The following LSM1 variants were observed in gnomAD, a reference collection of about 807,000 sequenced individuals.
The protein encoded by LSM1 is U6 snRNA-associated Sm-like protein LSm1.
Under a neutral mutation model 18.0 loss-of-function variants are expected in LSM1, and 13 were observed. The ratio of observed to expected loss-of-function variants is 0.72; its 90% CI spans 0.47 to 1.15. The LOEUF (loss-of-function observed/expected upper bound fraction) is 1.15, where lower values mean the gene tolerates loss of function less well. LSM1 is among the 50% of genes most tolerant of loss of function. The pLI is 0.00. For synonymous variants in LSM1, 46 were observed against 56.0 expected (o/e 0.82, Z 0.80); for missense variants, 152 against 157.7 (o/e 0.96, Z 0.19).
intron 1 of LSM1, 104 bp from the exon 2 acceptor site, chr8:38,172,137 AT>A: frequency 1.3e-6 from 1 of 782,698 alleles, no homozygotes; most frequent in South Asian, 1.6e-5. Context: ...CGGCCAATGC[AT>A]TTAATGTGAA....
intron 3 of LSM1, 77 bp from the exon 4 acceptor site, chr8:38,163,917 C>T: frequency 8.3e-7 from 1 of 1,199,128 alleles, no homozygotes; most frequent in South Asian, 1.3e-5. Flanking sequence ...AAATGGATTC[C>T]TCTATCAGGC....
chr8:38,163,671 T>A lies in LSM1; in HGVS notation c.401A>T (p.Ter134LeuextTer12). The change falls in exon 4 of 4, where the codon TAA becomes TTA. Residue 134 changes from the stop codon to leucine (L), a stop_lost. Coordinates refer to ENST00000311351, the MANE Select transcript of LSM1 (RefSeq NM_014462.3). ...IPRADTLDEY[*>L] ...AGCCAACAGCCTCTGGGCAAAAGAT[T>A]AGTACTCATCAAGAGTATCTGCTCG... The A allele has an allele frequency of 6.2e-7, 1 of 1,614,068 alleles. No individual in the cohort carries two copies. The highest frequency in any genetic ancestry group is 8.5e-7 in the Non-Finnish European group (1 of 1,180,006).
At chr8:38,170,443 T>C (rs1803007025) in intron 2 of LSM1, among the ~76,000 whole-genome samples, 1 of 152,186 alleles carries the variant, frequency 6.6e-6, no homozygotes. Flanking sequence ...GTTGGGCTAA[T>C]ACATGAATGA....
intron 2 of LSM1, chr8:38,170,916 C>T: frequency 5.9e-6 from 2 of 340,580 alleles, no homozygotes; most frequent in South Asian, 2.2e-5. Context: ...TCATATCTTC[C>T]ATAATCCTTT....
At chr8:38,175,025 C>CAAAAAAAAA (rs1203614273) in intron 1 of LSM1, among the ~76,000 whole-genome samples, 8 of 57,080 alleles carry the variant, frequency 1.4e-4, no homozygotes, top group South Asian at 7.9e-4. Context: ...GACTCTGTCT[C>CAAAAAAAAA]AAAAAAAAAA....
At chr8:38,175,939 G>C (rs564162683) in intron 1 of LSM1, 1 of 266,766 alleles carries the variant, frequency 3.7e-6, no homozygotes, top group Non-Finnish European at 7.2e-6. Context: ...CTGCAGGCAG[G>C]AGTGGACGGG....
chr8:38,166,666 A>C (rs1223507554), intron 3 of LSM1, among the ~76,000 whole-genome samples: 1 of 152,218 alleles, frequency 6.6e-6, no homozygotes, highest in Non-Finnish European at 1.5e-5. Flanking sequence ...CCAAGGTCTC[A>C]GAACTCACAG....
Position 38,176,340 on chromosome 8 carries a change from G to T in LSM1, c.-20C>A, listed in dbSNP as rs1254053235. The T allele has an allele frequency of 1.2e-6, 2 of 1,605,176 alleles. No homozygotes were observed. The highest frequency in any genetic ancestry group is 1.3e-5 in the African/African-American group (1 of 74,962). Reference sequence around the variant, plus strand: ...GTTCATTTTGAACTGAAATAATGCTGCAATGCACAGCGGCGGGAGGCCAGC... The same window carrying T: ...GTTCATTTTGAACTGAAATAATGCTTCAATGCACAGCGGCGGGAGGCCAGC... On this transcript the variant is annotated 5_prime_UTR_variant, in exon 1 of 4. Transcript: ENST00000311351.
intron 1 of LSM1, chr8:38,175,939 G>A (rs564162683): frequency 2.7e-4 from 72 of 266,766 alleles, no homozygotes; most frequent in African/African-American, 1.5e-3. Context: ...CTGCAGGCAG[G>A]AGTGGACGGG....
intron 3 of LSM1, among the ~76,000 whole-genome samples, chr8:38,164,551 G>C (rs899392096): frequency 2.0e-5 from 3 of 151,256 alleles, no homozygotes; most frequent in Non-Finnish European, 4.4e-5. Context: ...GACGGGTGGA[G>C]TGGCTCACAG....
upstream of LSM1, chr8:38,176,581 G>A (rs1026476929): frequency 1.8e-6 from 1 of 570,266 alleles, no homozygotes; most frequent in Non-Finnish European, 3.1e-6. Context: ...CCCTGTTCCT[G>A]TTAAGTAGGT....
chr8:38,166,025 A>T (rs1802922769), intron 3 of LSM1: 1 of 152,364 alleles, frequency 6.6e-6, no homozygotes, highest in African/African-American at 2.4e-5. Context: ...GATATAGAAG[A>T]CTTCATGAAT....
chr8:38,172,037 G>C lies in LSM1; in HGVS notation c.47-4C>G, dbSNP rs1178966101. The stretch of plus-strand genomic sequence containing the variant: ...CGAAGCAGAACCAAGTGCTTTTCTG[G>C]GGAGAGAGGAAAAAATCTTTTAAAT... On this transcript the variant is annotated splice_polypyrimidine_tract_variant and splice_region_variant and intron_variant, in intron 1 of 3. Transcript: ENST00000311351. 2 of 1,600,712 alleles carry C rather than the reference G, an allele frequency of 1.2e-6. No homozygotes were observed. The highest frequency in any genetic ancestry group is 1.4e-5 in the African/African-American group (1 of 73,868).
chr8:38,176,501 C>A (rs1040148005), upstream of LSM1: 5 of 594,154 alleles, frequency 8.4e-6, no homozygotes, highest in Admixed American at 9.0e-5. Context: ...ATTACCCTTA[C>A]CCACTTCCTG....
At position 38,176,332 on chromosome 8, in the gene LSM1, A is replaced by G. The variant is rs1174901143; in HGVS notation, c.-12T>C. On this transcript the variant is annotated 5_prime_UTR_variant, in exon 1 of 4. Transcript: ENST00000311351. ...GGCATATAGTTCATTTTGAACTGAA[A>G]TAATGCTGCAATGCACAGCGGCGGG... 3 of 1,609,806 alleles carry G rather than the reference A, an allele frequency of 1.9e-6. No individual in the cohort carries two copies. The African/African-American group carries it at 4.0e-5, about 22-fold the overall frequency.
rs1474955650 is a variant in LSM1 at position 38,172,040 on chromosome 8, A to AGAGAG, written c.47-12_47-8dup. Reference sequence around the variant, plus strand: ...AGCAGAACCAAGTGCTTTTCTGGGGAGAGAGGAAAAAATCTTTTAAATGAA... The same window carrying AGAGAG: ...AGCAGAACCAAGTGCTTTTCTGGGGAGAGAGGAGAGGAAAAAATCTTTTAAATGAA... On this transcript the variant is annotated splice_polypyrimidine_tract_variant and splice_region_variant and intron_variant, in intron 1 of 3. Transcript: ENST00000311351. 1 of 1,601,896 alleles carries AGAGAG rather than the reference A, an allele frequency of 6.2e-7. No homozygotes were observed. The highest frequency in any genetic ancestry group is 1.1e-5 in the South Asian group (1 of 89,854).
chr8:38,169,709 G>T, intron 3 of LSM1, 93 bp downstream of exon 3: 1 of 698,600 alleles, frequency 1.4e-6, no homozygotes, highest in Non-Finnish European at 2.4e-6. Flanking sequence ...GATAAATGTG[G>T]AGAATATTTT....
chr8:38,168,517 G>A (rs1179101274), intron 3 of LSM1, among the ~76,000 whole-genome samples: 19 of 150,840 alleles, frequency 1.3e-4, no homozygotes, highest in African/African-American at 4.4e-4. Flanking sequence ...CTTGAACCTG[G>A]GAGGCGGAAG....
At chr8:38,174,636 A>C (rs1286534962) in intron 1 of LSM1, among the ~76,000 whole-genome samples, 4 of 152,214 alleles carry the variant, frequency 2.6e-5, no homozygotes, top group Admixed American at 6.5e-5. Flanking sequence ...ACATCCTGTT[A>C]CACGTAACAG....
Sources: gnomAD v4.1 joint callset for allele counts (sites outside exome capture counted in the v4.1 genomes callset) on GRCh38, gnomAD v4.1.1 for gene constraint, MANE v1.5 for transcripts, NCBI Gene and HGNC (gene_info 2026-07-23, HGNC 2026-07-21) for gene names.